The following SPTBN1 variants were observed in gnomAD, a reference collection of about 807,000 sequenced individuals.
The protein encoded by SPTBN1 is spectrin beta, non-erythrocytic 1.
SPTBN1 carries 32 observed loss-of-function variants against 266.4 expected under a neutral mutation model. The observed-to-expected ratio is 0.12, with a 90% CI of 0.09 to 0.16. The LOEUF (loss-of-function observed/expected upper bound fraction) is 0.16. Among genes scored for constraint, SPTBN1 ranks in the 10% least tolerant of loss-of-function variants. SPTBN1 has a pLI of 1.00. For synonymous variants in SPTBN1, 1,336 were observed against 1,162.2 expected, an observed-to-expected ratio of 1.15 and a Z score of -3.04; for missense variants, 2,296 against 3,067.1, an observed-to-expected ratio of 0.75 and a Z score of 5.94.
At chr2:54,516,226 C>A (rs1481749576) in intron 1 of SPTBN1, 1 of 152,126 alleles carries the variant, frequency 6.6e-6, no homozygotes, top group Non-Finnish European at 1.5e-5. Flanking sequence ...TGTGCCACCA[C>A]CAGCAAAACT....
At chr2:54,543,648 T>G (rs1253719231) in intron 2 of SPTBN1, among the ~76,000 whole-genome samples, 2 of 152,232 alleles carry the variant, frequency 1.3e-5, no homozygotes, top group African/African-American at 4.8e-5. Flanking sequence ...CTTCTCTCAC[T>G]GTACTTTCCT....
intron 2 of SPTBN1, among the ~76,000 whole-genome samples, chr2:54,561,678 A>C (rs1020217347): frequency 5.7e-5 from 8 of 141,428 alleles, no homozygotes; most frequent in African/African-American, 1.8e-4. Context: ...ATAGTTTATA[A>C]ATTTATAGAG....
At chr2:54,650,018 G>T (rs1403372698) in intron 26 of SPTBN1, 29 bp downstream of exon 26, 3 of 1,577,064 alleles carry the variant, frequency 1.9e-6, no homozygotes, top group African/African-American at 2.7e-5. Context: ...CAGGGGTGCT[G>T]GGGAGGCTTT....
In SPTBN1 at chr2:54,612,373, G is replaced by A. The variant is rs770792777; in HGVS notation, c.474+39G>A. 50 of 1,574,276 alleles carry A rather than the reference G, an allele frequency of 3.2e-5. No individual in the cohort carries two copies. In the East Asian group the frequency reaches 7.7e-4, roughly 24 times the overall value. On this transcript the variant is annotated intron_variant, in intron 4 of 35. Coordinates refer to ENST00000356805, the MANE Select transcript of SPTBN1 (RefSeq NM_003128.3). ...CCCAGGGTTGCTCAGAACTTAGGCC[G>A]ACCTCTCAGGTATGAGCATTGTTAT... is the stretch of plus-strand genomic sequence containing the variant.
At chr2:54,555,580 C>T (rs1672817746) in intron 2 of SPTBN1, among the ~76,000 whole-genome samples, 1 of 152,196 alleles carries the variant, frequency 6.6e-6, no homozygotes, top group Admixed American at 6.5e-5. Context: ...CTCCTTTCTG[C>T]CCATTCTTAC....
chr2:54,507,021 G>A (rs1009067974), intron 1 of SPTBN1, among the ~76,000 whole-genome samples: 1 of 151,688 alleles, frequency 6.6e-6, no homozygotes, highest in Non-Finnish European at 1.5e-5. Context: ...AATAGGCGGT[G>A]GAGTTAAGAG....
chr2:54,508,370 C>A (rs778465149), intron 1 of SPTBN1, among the ~76,000 whole-genome samples: 6 of 152,094 alleles, frequency 3.9e-5, no homozygotes, highest in African/African-American at 1.4e-4. Context: ...CAGTCCTGGG[C>A]GGGGCAAATC....
intron 1 of SPTBN1, among the ~76,000 whole-genome samples, chr2:54,505,207 G>A (rs1475774406): frequency 6.6e-6 from 1 of 152,186 alleles, no homozygotes; most frequent in South Asian, 2.1e-4. Flanking sequence ...AGAATGGTGT[G>A]AATACTTGGT....
At position 54,653,004 on chromosome 2, in the gene SPTBN1, A is replaced by G. The variant is rs929126274; in HGVS notation, c.5578-605A>G. On this transcript the variant is annotated intron_variant, in intron 26 of 35. Transcript: ENST00000356805. The surrounding 1 kb of genome is among the most constrained non-coding windows in gnomAD (Gnocchi z 5.1). ...TCCATTTACCAAATCACAATTCTCA[A>G]TGTATATTTTTAGTTTTGCAAGGTT... 2 of 152,160 alleles carry G rather than the reference A, an allele frequency of 1.3e-5. No individual in the cohort carries two copies. The highest frequency in any genetic ancestry group is 4.8e-5 in the African/African-American group (2 of 41,418). 9.4% of individuals were successfully genotyped at this position (152,160 alleles called of 1,614,324 possible).
chr2:54,608,010 G>A (rs946284998), intron 3 of SPTBN1, among the ~76,000 whole-genome samples: 3 of 152,212 alleles, frequency 2.0e-5, no homozygotes, highest in Non-Finnish European at 4.4e-5. Flanking sequence ...CCCAGGGGAA[G>A]AGCAGGGAAT....
intron 3 of SPTBN1, among the ~76,000 whole-genome samples, chr2:54,608,341 T>G (rs551154079): frequency 1.3e-5 from 2 of 151,860 alleles, no homozygotes; most frequent in East Asian, 1.9e-4. Flanking sequence ...AGTTGTAGAG[T>G]TGTGAGGAAA....
chr2:54,528,718 T>C (rs942851902), intron 2 of SPTBN1: 6 of 148,470 alleles, frequency 4.0e-5, no homozygotes, highest in African/African-American at 1.5e-4. Flanking sequence ...AAAAAAAAGA[T>C]GTAAAGCTCA....
chr2:54,646,263 G>T lies in SPTBN1; in HGVS notation c.4654G>T (p.Val1552Phe). 1.9e-6 allele frequency: 3 copies of T among 1,614,088 alleles called. No homozygotes were observed. The highest frequency in any genetic ancestry group is 2.2e-5 in the South Asian group (2 of 91,074). ...CATCTTTGAGAGGAGCCAAAACATC[G>T]TCACTGACAGCAGCAGCCTCAGCGC... ...DDIFERSQNI[V>F]TDSSSLSAEA... Residue 1552 changes from valine to phenylalanine, a missense_variant, in exon 23 of 36, where the codon GTC becomes TTC. Val to Phe is a conservative substitution (Grantham distance 50, BLOSUM62 -1). This residue lies in a region of SPTBN1 where 644 missense variants were observed against 745.3 expected (regional missense o/e 0.86). Transcript: ENST00000356805. The surrounding 1 kb of genome is among the most constrained non-coding windows in gnomAD (Gnocchi z 4.4).
intron 1 of SPTBN1, among the ~76,000 whole-genome samples, chr2:54,461,012 A>G (rs544050769): frequency 2.1e-4 from 32 of 152,280 alleles, no homozygotes; most frequent in African/African-American, 7.7e-4. Flanking sequence ...CAAAAAAATA[A>G]AAATCATAAA....
chr2:54,664,646 A>G lies in SPTBN1; in HGVS notation c.6614A>G (p.Asn2205Ser), dbSNP rs1231118817. Residue 2205 changes from asparagine (N) to serine (S), a missense_variant, in exon 33 of 36, where the codon AAT (asparagine) becomes AGT (serine). This residue lies in a region of SPTBN1 where 347 missense variants were observed against 368.5 expected (regional missense o/e 0.94). Coordinates refer to ENST00000356805, the MANE Select transcript of SPTBN1 (RefSeq NM_003128.3). This position sits in a 1 kb window ranked among gnomAD's most constrained non-coding sequence, Gnocchi z 5.6. ...TPSAQMEGFLNRKHEWEAHNK... is the reference protein window; with the variant it reads ...TPSAQMEGFLSRKHEWEAHNK... Reference sequence around the variant, plus strand: ...TCGGCCCAGATGGAAGGCTTCCTCAATCGGAAACACGAGTGGGAGGCCCAC... The same window carrying G: ...TCGGCCCAGATGGAAGGCTTCCTCAGTCGGAAACACGAGTGGGAGGCCCAC... 4 of 1,614,078 alleles carry G rather than the reference A, an allele frequency of 2.5e-6. No individual in the cohort carries two copies. Among genetic ancestry groups the G allele is most frequent in the South Asian group, 1.1e-5 (1 of 91,086 alleles).
intron 14 of SPTBN1, 36 bp from the exon 15 acceptor site, chr2:54,629,856 C>T: frequency 1.9e-6 from 3 of 1,613,400 alleles, no homozygotes; most frequent in Non-Finnish European, 2.5e-6. Flanking sequence ...CACCAGTGGC[C>T]CAGGAGGTGA....
intron 32 of SPTBN1, chr2:54,660,831 G>T (rs1470449618): frequency 1.0e-5 from 10 of 985,448 alleles, no homozygotes; most frequent in Non-Finnish European, 1.2e-5. Context: ...CTCGCTCCCT[G>T]TCAGTGCTGC....
At position 54,646,609 on chromosome 2, in the gene SPTBN1, A is replaced by T. The variant is rs1679942516; in HGVS notation, c.4866+134A>T. ...TGAGTGTTAAGGGGACACCATGTGC[A>T]TGAAGGTGTCTGAAATCCAGCTGCT... On this transcript the variant is annotated intron_variant, in intron 23 of 35. Transcript: ENST00000356805. The surrounding 1 kb of genome is among the most constrained non-coding windows in gnomAD (Gnocchi z 4.4). 3 of 1,036,252 alleles carry T rather than the reference A, an allele frequency of 2.9e-6. No individual in the cohort carries two copies. Among genetic ancestry groups the T allele is most frequent in the Admixed American group, 7.1e-5 (2 of 28,048 alleles). The allele number at this position is 1,036,252 out of a possible 1,614,324, so 64.2% of individuals were successfully genotyped here.
chr2:54,586,172 A>G (rs756810414), intron 2 of SPTBN1, among the ~76,000 whole-genome samples: 37 of 152,212 alleles, frequency 2.4e-4, no homozygotes, highest in Non-Finnish European at 4.0e-4. Flanking sequence ...CTCCTCCCCA[A>G]ACACACATTG....
Sources: allele counts gnomAD v4.1 joint callset (sites outside exome capture counted in the v4.1 genomes callset), GRCh38; gene constraint gnomAD v4.1.1; regional missense constraint gnomAD v4.1.1; non-coding constraint Gnocchi (gnomAD v3.1); transcripts MANE v1.5; gene names NCBI Gene and HGNC (gene_info 2026-07-23, HGNC 2026-07-21).